Variants in SYNPR observed in about 807,000 individuals in gnomAD.
The protein encoded by SYNPR is synaptoporin.
In SYNPR, 23 loss-of-function variants were observed where a neutral mutation model predicts 32.9. That is an observed-to-expected ratio of 0.70 (90% confidence interval 0.50 to 0.99). SYNPR has a LOEUF of 0.99. Ranked by LOEUF, SYNPR falls within the 50% of genes least tolerant of loss-of-function variation. The probability of loss-of-function intolerance (pLI) is 0.00; values close to 1 mark genes in which losing one functional copy is unlikely to be tolerated. For missense variants in SYNPR, 318 were observed against 349.3 expected, an observed-to-expected ratio of 0.91 and a Z score of 0.71; for synonymous variants, 146 against 135.9, an observed-to-expected ratio of 1.07 and a Z score of -0.52.
At chr3:63,352,958 T>G (rs565008162) in intron 2 of SYNPR, among the ~76,000 whole-genome samples, 1 of 152,222 alleles carries the variant, frequency 6.6e-6, no homozygotes, top group Non-Finnish European at 1.5e-5. Context: ...ATGGGAGCCA[T>G]AATTCAACAT....
At chr3:63,385,979 G>T (rs1347081264) in intron 2 of SYNPR, among the ~76,000 whole-genome samples, 6 of 152,208 alleles carry the variant, frequency 3.9e-5, no homozygotes, top group Admixed American at 3.9e-4. Context: ...CTAGAAAAGT[G>T]TTGAATTACA....
chr3:63,435,959 C>T (rs73849127), intron 2 of SYNPR, among the ~76,000 whole-genome samples: 2,999 of 152,196 alleles, frequency 0.02, 82 homozygotes, highest in African/African-American at 0.069. Flanking sequence ...CAGAAAGATT[C>T]TAAGTTCCTT....
chr3:63,314,302 T>C (rs1166878589), intron 2 of SYNPR, among the ~76,000 whole-genome samples: 1 of 151,436 alleles, frequency 6.6e-6, no homozygotes, highest in Non-Finnish European at 1.5e-5. Context: ...CAGTGTTTTC[T>C]ACAGTGGCTT....
chr3:63,514,239 G>A (rs1464005787), intron 3 of SYNPR, among the ~76,000 whole-genome samples: 1 of 152,148 alleles, frequency 6.6e-6, no homozygotes, highest in Non-Finnish European at 1.5e-5. Context: ...GTTCATACTT[G>A]GTCATTGGCA....
At chr3:63,383,534 C>G (rs2088000745) in intron 2 of SYNPR, among the ~76,000 whole-genome samples, 1 of 152,084 alleles carries the variant, frequency 6.6e-6, no homozygotes, top group South Asian at 2.1e-4. Context: ...CTGGGCAACA[C>G]AGTGAAACCC....
At chr3:63,263,428 T>C (rs985487542) in intron 2 of SYNPR, among the ~76,000 whole-genome samples, 1 of 152,244 alleles carries the variant, frequency 6.6e-6, no homozygotes, top group Non-Finnish European at 1.5e-5. Flanking sequence ...ACATAGGTTA[T>C]CTCATTTAAT....
intron 2 of SYNPR, among the ~76,000 whole-genome samples, chr3:63,474,925 C>T (rs530221123): frequency 1.4e-4 from 22 of 152,286 alleles, no homozygotes; most frequent in African/African-American, 4.1e-4. Flanking sequence ...TTTCTGTCCT[C>T]CTCCAACCTA....
intron 3 of SYNPR, among the ~76,000 whole-genome samples, chr3:63,522,772 G>A (rs961432466): frequency 2.0e-5 from 3 of 152,084 alleles, no homozygotes; most frequent in Non-Finnish European, 2.9e-5. Flanking sequence ...GGAGCATAGC[G>A]GATGAAACAT....
chr3:63,284,560 A>C (rs2086662279), intron 2 of SYNPR, among the ~76,000 whole-genome samples: 1 of 152,216 alleles, frequency 6.6e-6, no homozygotes, highest in South Asian at 2.1e-4. Flanking sequence ...GCGGCCAGTG[A>C]ATCCAAAGAT....
At chr3:63,577,736 T>C (rs143695512) in intron 4 of SYNPR, among the ~76,000 whole-genome samples, 1 of 152,234 alleles carries the variant, frequency 6.6e-6, no homozygotes, top group Non-Finnish European at 1.5e-5. Flanking sequence ...GGCCTAATTG[T>C]AGTGCATGGA....
intron 4 of SYNPR, among the ~76,000 whole-genome samples, chr3:63,607,812 C>A (rs749002790): frequency 6.6e-6 from 1 of 152,112 alleles, no homozygotes; most frequent in Non-Finnish European, 1.5e-5. Context: ...GGCACCACAG[C>A]ATCTATAGAG....
chr3:63,379,079 G>GT (rs1269679273), intron 2 of SYNPR, among the ~76,000 whole-genome samples: 16 of 151,966 alleles, frequency 1.1e-4, no homozygotes, highest in African/African-American at 3.6e-4. Flanking sequence ...ATGCATAAGT[G>GT]TTTTTTTAGT....
intron 3 of SYNPR, among the ~76,000 whole-genome samples, chr3:63,549,793 G>A (rs747680353): frequency 2.6e-5 from 4 of 151,748 alleles, no homozygotes; most frequent in Non-Finnish European, 4.4e-5. Flanking sequence ...TCAGTGAAAT[G>A]TTTTAAATGA....
chr3:63,305,679 C>T (rs1444530052), intron 2 of SYNPR, among the ~76,000 whole-genome samples: 2 of 151,924 alleles, frequency 1.3e-5, no homozygotes, highest in Non-Finnish European at 2.9e-5. Context: ...TTATTTGTAA[C>T]AAGCATCCCA....
intron 4 of SYNPR, among the ~76,000 whole-genome samples, chr3:63,561,776 T>C (rs72887400): frequency 0.042 from 6,455 of 152,212 alleles, 479 homozygotes; most frequent in African/African-American, 0.15. Context: ...ATGTGTATTG[T>C]GAATCACAGA....
chr3:63,615,483 A>G lies in SYNPR; in HGVS notation c.*2A>G, dbSNP rs1362617330. 1 of 1,610,644 alleles carries G rather than the reference A, an allele frequency of 6.2e-7. No individual in the cohort carries two copies. The highest frequency in any genetic ancestry group is 1.3e-5 in the African/African-American group (1 of 74,848). On this transcript the variant is annotated 3_prime_UTR_variant, in exon 6 of 6. Coordinates refer to ENST00000478300, the MANE Select transcript of SYNPR (RefSeq NM_001130003.2). ...ACTTCCTTTACCAATCAGATTTAACAGAGTAGCATTTGCATTCTTCTGCAG... is the reference window on the plus strand; with the variant it reads ...ACTTCCTTTACCAATCAGATTTAACGGAGTAGCATTTGCATTCTTCTGCAG...
At chr3:63,482,909 G>T (rs564674892) in intron 3 of SYNPR, among the ~76,000 whole-genome samples, 2 of 152,282 alleles carry the variant, frequency 1.3e-5, no homozygotes, top group South Asian at 4.1e-4. Context: ...TTCAGAAGAA[G>T]TACGGTTAGC....
At chr3:63,576,898 C>T (rs532505460) in intron 4 of SYNPR, among the ~76,000 whole-genome samples, 5 of 152,184 alleles carry the variant, frequency 3.3e-5, no homozygotes, top group Admixed American at 2.6e-4. Context: ...AAAGGTGGAC[C>T]TCAGAAACCT....
chr3:63,321,730 A>C (rs1312321813), intron 2 of SYNPR, among the ~76,000 whole-genome samples: 2 of 152,034 alleles, frequency 1.3e-5, no homozygotes, highest in African/African-American at 4.8e-5. Flanking sequence ...TTATAACCTC[A>C]TGTCTTTGCA....
Sources: allele counts gnomAD v4.1 joint callset (sites outside exome capture counted in the v4.1 genomes callset), GRCh38; gene constraint gnomAD v4.1.1; transcripts MANE v1.5; gene names NCBI Gene and HGNC (gene_info 2026-07-23, HGNC 2026-07-21).